The following CSMD2 variants were observed in gnomAD, a reference collection of about 807,000 sequenced individuals.
The protein encoded by CSMD2 is CUB and sushi domain-containing protein 2.
CSMD2 carries 130 observed loss-of-function variants against 398.5 expected under a neutral mutation model. The ratio of observed to expected loss-of-function variants is 0.33; its 90% CI spans 0.28 to 0.38. The LOEUF is 0.38. CSMD2 is among the 10% of genes least tolerant of loss of function. CSMD2 has a pLI of 1.00. For synonymous variants in CSMD2, 1,828 were observed against 1,908.5 expected, an observed-to-expected ratio of 0.96 and a Z score of 1.10; for missense variants, 3,829 against 4,764.9, an observed-to-expected ratio of 0.80 and a Z score of 5.78.
At chr1:33,892,092 TC>T (rs58043814) in intron 5 of CSMD2, among the ~76,000 whole-genome samples, 37,552 of 148,478 alleles carry the variant, frequency 0.25, 4,899 homozygotes, top group South Asian at 0.32. Flanking sequence ...AAAGACACCA[TC>T]AAAAAAAAAA....
intron 14 of CSMD2, among the ~76,000 whole-genome samples, chr1:33,740,631 T>C (rs979165731): frequency 1.3e-5 from 2 of 152,114 alleles, no homozygotes; most frequent in African/African-American, 4.8e-5. Context: ...AACGCTTAGG[T>C]CAGCCCAGAC....
intron 2 of CSMD2, among the ~76,000 whole-genome samples, chr1:34,073,757 C>A (rs112019542): frequency 0.016 from 2,454 of 152,296 alleles, 39 homozygotes; most frequent in Non-Finnish European, 0.027. Context: ...AGACCCCTGG[C>A]CCACCCCTCT....
chr1:33,700,483 CT>C (rs762759974), intron 23 of CSMD2, 33 bp downstream of exon 23: 1 of 1,607,412 alleles, frequency 6.2e-7, no homozygotes, highest in South Asian at 1.1e-5. Flanking sequence ...GAAACCCTGA[CT>C]TCCTTGTCCA....
chr1:33,647,300 T>C (rs1254886000), intron 28 of CSMD2, among the ~76,000 whole-genome samples: 1 of 152,186 alleles, frequency 6.6e-6, no homozygotes, highest in Non-Finnish European at 1.5e-5. Context: ...TGAAGGACCC[T>C]AGCTTTGTGC....
chr1:33,739,534 G>A (rs1384381573), intron 14 of CSMD2, among the ~76,000 whole-genome samples, 200 bp from the exon 15 acceptor site: 2 of 152,178 alleles, frequency 1.3e-5, no homozygotes, highest in African/African-American at 2.4e-5. Context: ...CTGCCTTCCC[G>A]AGCACCTAAT....
intron 3 of CSMD2, among the ~76,000 whole-genome samples, chr1:33,988,515 ACT>A (rs1281890903): frequency 6.6e-6 from 1 of 151,794 alleles, no homozygotes; most frequent in East Asian, 1.9e-4. Flanking sequence ...ATGTCCTGCC[ACT>A]CTCTGTTTCC....
At chr1:33,809,382 T>C (rs1656596428) in intron 10 of CSMD2, among the ~76,000 whole-genome samples, 2 of 152,052 alleles carry the variant, frequency 1.3e-5, no homozygotes, top group South Asian at 4.1e-4. Context: ...ATATTTGCTA[T>C]ACTAAGAGAA....
chr1:33,770,424 G>A (rs1651106074), intron 13 of CSMD2, among the ~76,000 whole-genome samples: 1 of 152,238 alleles, frequency 6.6e-6, no homozygotes, highest in Non-Finnish European at 1.5e-5. Context: ...ACCTATAAAA[G>A]CATCAGCTTA....
intron 3 of CSMD2, among the ~76,000 whole-genome samples, chr1:34,020,403 G>A (rs1221787947): frequency 6.6e-6 from 1 of 152,196 alleles, no homozygotes. Context: ...TGGAAGGAAG[G>A]ATGACAGAGC....
intron 1 of CSMD2, among the ~76,000 whole-genome samples, chr1:34,135,830 T>C (rs1188586241): frequency 6.6e-6 from 1 of 152,074 alleles, no homozygotes; most frequent in Non-Finnish European, 1.5e-5. Flanking sequence ...TAATTTGTGT[T>C]CCATTTACAT....
chr1:34,120,365 T>G (rs944406186), intron 1 of CSMD2, among the ~76,000 whole-genome samples: 1 of 152,206 alleles, frequency 6.6e-6, no homozygotes. Flanking sequence ...GTTCTAGAGT[T>G]CTATGTGCAC....
rs777317291 is a variant in CSMD2 at position 33,635,291 on chromosome 1, A to G, written c.5009T>C (p.Val1670Ala). The change falls in exon 31 of 71, where the codon GTC (valine) becomes GCC (alanine). Residue 1670 changes from valine (V) to alanine (A), a missense_variant. Coordinates refer to ENST00000373381, the MANE Select transcript of CSMD2 (RefSeq NM_001281956.2). This position sits in a 1 kb window ranked among gnomAD's most constrained non-coding sequence, Gnocchi z 5.0. Reference protein sequence around the residue: ...GGQYVGSDGVVLSPNYPQNYT... With the variant: ...GGQYVGSDGVALSPNYPQNYT... ...GTTCTGGGGGTAGTTGGGGGACAAG[A>G]CCACTCCGTCCGAACCCACATACTG... 1.2e-6 allele frequency: 2 copies of G among 1,613,270 alleles called. No homozygotes were observed. The highest frequency in any genetic ancestry group is 1.7e-5 in the Admixed American group (1 of 59,980).
At chr1:33,669,682 C>T (rs1057147402) in intron 25 of CSMD2, among the ~76,000 whole-genome samples, 2 of 152,188 alleles carry the variant, frequency 1.3e-5, no homozygotes, top group East Asian at 1.9e-4. Flanking sequence ...ACCCCTGGTA[C>T]CTGTGTGACT....
Position 34,111,754 on chromosome 1 carries a change from T to C in CSMD2, c.188-22561A>G, listed in dbSNP as rs147942519. On this transcript the variant is annotated intron_variant, in intron 1 of 70. Transcript: ENST00000373381. Reference sequence around the variant, plus strand: ...GACTGAGATCTTAAAATATAGGCTCTACCACCTCACTGGTATGAAACAGGA... The same window carrying C: ...GACTGAGATCTTAAAATATAGGCTCCACCACCTCACTGGTATGAAACAGGA... Among the ~76,000 whole-genome samples, 266 of 152,252 alleles carry C rather than the reference T, an allele frequency of 1.7e-3. 1 individual carries two copies. Among genetic ancestry groups the C allele is most frequent in the African/African-American group, 6.0e-3 (250 of 41,542 alleles).
At chr1:33,527,343 T>C in intron 64 of CSMD2, 85 bp from the exon 65 acceptor site, 2 of 1,091,920 alleles carry the variant, frequency 1.8e-6, no homozygotes, top group Non-Finnish European at 2.7e-6. Context: ...TGTCTGACCT[T>C]AGGTCAATGG....
rs189248212 is a variant in CSMD2, at chr1:34,042,814, G to T, written c.405-10108C>A. 2.9e-3 allele frequency among the ~76,000 whole-genome samples: 448 copies of T among 152,250 alleles called. 14 individuals are homozygous for T. The highest frequency in any genetic ancestry group is 0.027 in the Admixed American group (406 of 15,284). ...ACTGGCTTCTATTTTTTGAGAAGGAGTCTCGCTCTGTGGCCCAGGCTGGAG... is the reference window on the plus strand; with the variant it reads ...ACTGGCTTCTATTTTTTGAGAAGGATTCTCGCTCTGTGGCCCAGGCTGGAG... On this transcript the variant is annotated intron_variant, in intron 2 of 70. Coordinates refer to ENST00000373381, the MANE Select transcript of CSMD2 (RefSeq NM_001281956.2).
At chr1:33,587,220 C>A in intron 44 of CSMD2, 52 bp from the exon 45 acceptor site, 2 of 1,272,706 alleles carry the variant, frequency 1.6e-6, no homozygotes, top group Non-Finnish European at 2.2e-6. Flanking sequence ...TCTCCAGGTA[C>A]ACCGTCATTC....
chr1:33,849,511 T>C (rs1012682891), intron 5 of CSMD2, among the ~76,000 whole-genome samples: 8 of 152,212 alleles, frequency 5.3e-5, no homozygotes, highest in African/African-American at 1.9e-4. Flanking sequence ...GGTTGGGGAC[T>C]GCCTGGCTGG....
intron 1 of CSMD2, among the ~76,000 whole-genome samples, chr1:34,155,110 G>C (rs1417162285): frequency 2.0e-5 from 3 of 152,162 alleles, no homozygotes; most frequent in Non-Finnish European, 4.4e-5. Context: ...TTCAGGATTG[G>C]GGATGAAGGG....
Sources: gnomAD v4.1 joint callset for allele counts (sites outside exome capture counted in the v4.1 genomes callset) on GRCh38, gnomAD v4.1.1 for gene constraint, Gnocchi (gnomAD v3.1) non-coding constraint, MANE v1.5 for transcripts, NCBI Gene and HGNC (gene_info 2026-07-23, HGNC 2026-07-21) for gene names.